Variants in SCAF8 observed in about 807,000 individuals in gnomAD.
SCAF8 encodes SR-related CTD associated factor 8.
A neutral mutation model predicts 140.5 loss-of-function variants in SCAF8; 23 were observed. The ratio of observed to expected loss-of-function variants is 0.16; its 90% CI spans 0.12 to 0.23. The LOEUF (loss-of-function observed/expected upper bound fraction) is 0.23. SCAF8 is among the 10% of genes least tolerant of loss of function. The probability of loss-of-function intolerance (pLI) is 1.00; values close to 1 mark genes in which losing one functional copy is unlikely to be tolerated. For synonymous variants in SCAF8, 575 were observed against 528.9 expected (o/e 1.09, Z -1.20); for missense variants, 1,397 against 1,555.7 (o/e 0.90, Z 1.72).
At chr6:154,749,521 T>C (rs188717537) in intron 1 of SCAF8, among the ~76,000 whole-genome samples, 7 of 152,202 alleles carry the variant, frequency 4.6e-5, no homozygotes, top group Admixed American at 4.6e-4. Flanking sequence ...GGGAATATGA[T>C]GAAAAGTAAT....
chr6:154,791,930 A>G (rs1777431260), intron 4 of SCAF8, among the ~76,000 whole-genome samples: 1 of 152,144 alleles, frequency 6.6e-6, no homozygotes, highest in African/African-American at 2.4e-5. Flanking sequence ...GTTCAGGGGC[A>G]TATCAAGAAG....
intron 3 of SCAF8, among the ~76,000 whole-genome samples, chr6:154,783,406 T>C (rs1292256015): frequency 6.6e-6 from 1 of 152,228 alleles, no homozygotes; most frequent in African/African-American, 2.4e-5. Context: ...ATAAATTTCA[T>C]CTTTCTGGCT....
At chr6:154,755,486 A>G (rs1027835601) in intron 1 of SCAF8, among the ~76,000 whole-genome samples, 6 of 152,092 alleles carry the variant, frequency 3.9e-5, no homozygotes, top group Non-Finnish European at 7.4e-5. Context: ...CCTGACCTCA[A>G]GTGACCCTCC....
chr6:154,813,104 AAG>A (rs1430992623), intron 12 of SCAF8, among the ~76,000 whole-genome samples: 96 of 152,170 alleles, frequency 6.3e-4, no homozygotes, highest in African/African-American at 2.2e-3. Flanking sequence ...CTACTCAAGA[AAG>A]AGGTGGGAGA....
Position 154,733,712 on chromosome 6 carries a change from C to G in SCAF8, c.-189C>G, listed in dbSNP as rs13191266. 1 of 1,318,390 alleles carries G rather than the reference C, an allele frequency of 7.6e-7. No homozygotes were observed. Among genetic ancestry groups the G allele is most frequent in the Non-Finnish European group, 9.6e-7 (1 of 1,037,548 alleles). The allele number at this position is 1,318,390 out of a possible 1,614,324, so 81.7% of individuals were successfully genotyped here. Reference sequence around the variant, plus strand: ...CGCCCTAGCGGCCATGCCGGTGCCGCTCTGCCGCTGAGGGAGCCCTTCCCC... The same window carrying G: ...CGCCCTAGCGGCCATGCCGGTGCCGGTCTGCCGCTGAGGGAGCCCTTCCCC... On this transcript the variant is annotated 5_prime_UTR_variant, in exon 1 of 20. Coordinates refer to ENST00000367178, the MANE Select transcript of SCAF8 (RefSeq NM_014892.5).
chr6:154,814,471 T>G (rs1237934900), intron 12 of SCAF8, among the ~76,000 whole-genome samples: 1 of 152,220 alleles, frequency 6.6e-6, no homozygotes, highest in Non-Finnish European at 1.5e-5. Flanking sequence ...AAGTGATTCC[T>G]AAAGCTTACA....
chr6:154,800,513 C>CT lies in SCAF8; in HGVS notation c.607-1457dup, dbSNP rs935709750. Among the ~76,000 whole-genome samples, 5 of 151,450 alleles carry CT rather than the reference C, an allele frequency of 3.3e-5. 1 individual carries two copies. The highest frequency in any genetic ancestry group is 7.4e-5 in the Non-Finnish European group (5 of 67,758). ...GCTCAGAAATAAAAGGTTTCATTTG[C>CT]TAAGCAATGGGGAATCACCAGGGAC... On this transcript the variant is annotated intron_variant, in intron 6 of 19. Transcript: ENST00000367178.
intron 1 of SCAF8, among the ~76,000 whole-genome samples, chr6:154,771,202 A>G (rs752892130): frequency 7.2e-5 from 11 of 152,242 alleles, no homozygotes; most frequent in Non-Finnish European, 1.0e-4. Flanking sequence ...TGAATGCTTC[A>G]CAGGTATTAT....
chr6:154,756,938 C>A (rs765109939), intron 1 of SCAF8, among the ~76,000 whole-genome samples: 1 of 152,102 alleles, frequency 6.6e-6, no homozygotes, highest in Non-Finnish European at 1.5e-5. Flanking sequence ...TGAGGTGGAT[C>A]GCTTGAGCCT....
At chr6:154,759,706 C>G (rs1220793761) in intron 1 of SCAF8, among the ~76,000 whole-genome samples, 1 of 146,034 alleles carries the variant, frequency 6.8e-6, no homozygotes, top group Non-Finnish European at 1.5e-5. Flanking sequence ...GCTCTTGTCA[C>G]CCGGGCTGGA....
At chr6:154,813,741 G>A (rs1363566307) in intron 12 of SCAF8, among the ~76,000 whole-genome samples, 1 of 152,154 alleles carries the variant, frequency 6.6e-6, no homozygotes, top group Non-Finnish European at 1.5e-5. Flanking sequence ...TTATCCAGAA[G>A]GCCCAGTTTA....
intron 18 of SCAF8, among the ~76,000 whole-genome samples, chr6:154,830,553 C>T (rs1778700305): frequency 6.6e-6 from 1 of 152,130 alleles, no homozygotes; most frequent in South Asian, 2.1e-4. Context: ...GGGGATTGGG[C>T]AGATTTTCAT....
At chr6:154,760,787 T>G (rs1776362853) in intron 1 of SCAF8, among the ~76,000 whole-genome samples, 1 of 152,138 alleles carries the variant, frequency 6.6e-6, no homozygotes, top group African/African-American at 2.4e-5. Flanking sequence ...ATTTTTTATT[T>G]ATTAAAAATT....
At chr6:154,823,327 AT>A (rs1263598533) in intron 16 of SCAF8, among the ~76,000 whole-genome samples, 3 of 152,188 alleles carry the variant, frequency 2.0e-5, no homozygotes, top group Admixed American at 1.3e-4. Context: ...ACTGGTTACT[AT>A]TTTGAGAATA....
In SCAF8 at chr6:154,805,387, T is replaced by C; in HGVS notation, c.882T>C (p.Ser294=). The C allele has an allele frequency of 6.2e-7, 1 of 1,608,088 alleles. No individual in the cohort carries two copies. The highest frequency in any genetic ancestry group is 1.3e-5 in the African/African-American group (1 of 74,906). ...PASQLSHVSE[S]VNNSIFHQIA... ...CTTTTAGTTCTCACGTTTCAGAATC[T>C]GTGAACAATTCCATTTTTCATCAGA... Residue 294 remains serine, a synonymous_variant, in exon 9 of 20, where the codon TCT becomes TCC. Coordinates refer to ENST00000367178, the MANE Select transcript of SCAF8 (RefSeq NM_014892.5).
At chr6:154,825,893 A>G (rs1369181455) in intron 17 of SCAF8, among the ~76,000 whole-genome samples, 2 of 152,118 alleles carry the variant, frequency 1.3e-5, no homozygotes, top group African/African-American at 4.8e-5. Flanking sequence ...GTCTTTACCT[A>G]GAAACTCTAA....
chr6:154,770,585 A>G (rs1462107970), intron 1 of SCAF8, among the ~76,000 whole-genome samples: 1 of 152,044 alleles, frequency 6.6e-6, no homozygotes, highest in Non-Finnish European at 1.5e-5. Context: ...AGAAGGAGAA[A>G]AAAAAAAATT....
At chr6:154,735,585 C>G (rs1053295446) in intron 1 of SCAF8, among the ~76,000 whole-genome samples, 12 of 149,110 alleles carry the variant, frequency 8.0e-5, no homozygotes, top group Non-Finnish European at 5.9e-5. Context: ...ACCATCTCAG[C>G]TCACTGTAGC....
intron 12 of SCAF8, among the ~76,000 whole-genome samples, chr6:154,814,011 A>G (rs1309180243): frequency 6.6e-6 from 1 of 152,224 alleles, no homozygotes; most frequent in Non-Finnish European, 1.5e-5. Context: ...GTTTTATTCT[A>G]ACTTCATGTT....
Sources: allele counts gnomAD v4.1 joint callset (sites outside exome capture counted in the v4.1 genomes callset), GRCh38; gene constraint gnomAD v4.1.1; transcripts MANE v1.5; gene names NCBI Gene and HGNC (gene_info 2026-07-23, HGNC 2026-07-21).